LPIN1: variants seen among roughly 807,000 people sequenced by gnomAD.
LPIN1 encodes phosphatidate phosphatase LPIN1.
In LPIN1, 71 loss-of-function variants were observed where a neutral mutation model predicts 107.5. That is an observed-to-expected ratio of 0.66 (90% CI 0.55 to 0.80). The LOEUF is 0.80. Among genes scored for constraint, LPIN1 ranks in the 30% least tolerant of loss-of-function variants. The probability of loss-of-function intolerance (pLI) is 0.00; values close to 1 mark genes in which losing one functional copy is unlikely to be tolerated. For synonymous variants in LPIN1, 445 were observed against 452.6 expected, an observed-to-expected ratio of 0.98 and a Z score of 0.21; for missense variants, 1,043 against 1,160.6, an observed-to-expected ratio of 0.90 and a Z score of 1.47.
intron 17 of LPIN1, among the ~76,000 whole-genome samples, chr2:11,806,484 T>C (rs1038645868): frequency 3.9e-5 from 6 of 152,100 alleles, no homozygotes; most frequent in African/African-American, 1.4e-4. Flanking sequence ...TAGTCCCAGC[T>C]ATTTGGGAGG....
chr2:11,678,109 A>T (rs889387439), intron 1 of LPIN1, among the ~76,000 whole-genome samples: 1 of 152,192 alleles, frequency 6.6e-6, no homozygotes, highest in Non-Finnish European at 1.5e-5. Context: ...GCAGGCCAGG[A>T]AGCGAGGTGT....
chr2:11,694,770 A>T (rs1443091156), intron 1 of LPIN1, among the ~76,000 whole-genome samples: 1 of 152,192 alleles, frequency 6.6e-6, no homozygotes, highest in African/African-American at 2.4e-5. Flanking sequence ...GCCTTTTACT[A>T]AACATCTGTT....
chr2:11,700,051 T>C (rs151018428), intron 1 of LPIN1, among the ~76,000 whole-genome samples: 2 of 152,308 alleles, frequency 1.3e-5, no homozygotes, highest in African/African-American at 2.4e-5. Context: ...CTTTGATTGT[T>C]ATTCTAGGCA....
chr2:11,801,252 G>C (rs770675437), intron 14 of LPIN1, among the ~76,000 whole-genome samples: 2 of 152,172 alleles, frequency 1.3e-5, no homozygotes, highest in Admixed American at 6.5e-5. Context: ...TCCCACTACT[G>C]CTTATTTATC....
chr2:11,765,808 G>A lies in LPIN1; in HGVS notation c.192+75G>A, dbSNP rs557681241. The stretch of plus-strand genomic sequence containing the variant: ...CCCTTGTACTCTGGTGATGCCACCT[G>A]TCTTGAACTCTCAGACCCAGAGTTT... On this transcript the variant is annotated intron_variant, in intron 2 of 20. Coordinates refer to ENST00000674199, the MANE Select transcript of LPIN1 (RefSeq NM_001349206.2). The surrounding 1 kb of genome is among the most constrained non-coding windows in gnomAD (Gnocchi z 4.4). 199 of 1,345,808 alleles carry A rather than the reference G, an allele frequency of 1.5e-4. 1 individual carries two copies. In the African/African-American group the frequency reaches 2.5e-3, roughly 17 times the overall value. 83.4% of individuals were successfully genotyped at this position (1,345,808 alleles called of 1,614,324 possible).
At chr2:11,787,271 G>C (rs1674755944) in intron 11 of LPIN1, 104 bp downstream of exon 11, 1 of 844,716 alleles carries the variant, frequency 1.2e-6, no homozygotes, top group South Asian at 1.4e-5. Flanking sequence ...ATAAAATAAA[G>C]ACTTTGCTAC....
At chr2:11,767,972 G>A (rs761369032) in intron 3 of LPIN1, 114 bp downstream of exon 3, 15 of 754,970 alleles carry the variant, frequency 2.0e-5, no homozygotes, top group East Asian at 8.0e-5. Context: ...CTGTGTGGAC[G>A]ATGGGGCAGA....
chr2:11,777,660 T>A (rs1346738079), intron 6 of LPIN1: 1 of 152,180 alleles, frequency 6.6e-6, no homozygotes, highest in Admixed American at 6.5e-5. Flanking sequence ...GCGACAGACG[T>A]CGTAAAACCC....
intron 1 of LPIN1, among the ~76,000 whole-genome samples, chr2:11,678,582 A>C (rs190699046): frequency 2.0e-3 from 299 of 152,286 alleles, no homozygotes; most frequent in African/African-American, 6.4e-3. Flanking sequence ...AGGGGGATAG[A>C]GTGGCGAGGC....
At chr2:11,780,867 C>T (rs186696073) in intron 7 of LPIN1, among the ~76,000 whole-genome samples, 11 of 152,292 alleles carry the variant, frequency 7.2e-5, no homozygotes, top group Admixed American at 6.5e-4. Context: ...GGTACATGCA[C>T]GCTGAGCCCC....
At chr2:11,822,277 CAA>C (rs751514674) in intron 20 of LPIN1, among the ~76,000 whole-genome samples, 7,113 of 78,904 alleles carry the variant, frequency 0.09, 314 homozygotes, top group African/African-American at 0.17. Context: ...CTAGAAATGC[CAA>C]AAAAAAAAAA....
rs971855880 is a variant in LPIN1 at position 11,680,866 on chromosome 2, C to A, written c.81+3138C>A. Among the ~76,000 whole-genome samples the A allele has an allele frequency of 2.6e-5, 4 of 152,170 alleles. No individual in the cohort carries two copies. The East Asian group carries it at 7.7e-4, about 29-fold the overall frequency. On this transcript the variant is annotated intron_variant, in intron 1 of 21. Transcript: ENST00000449576. The stretch of plus-strand genomic sequence containing the variant: ...AAGACCCAGAGTGAAGGCCAAAGTT[C>A]GGGGGCCACGAGGCCTGGACTCACA...
chr2:11,726,618 C>T (rs535067281), intron 1 of LPIN1, among the ~76,000 whole-genome samples: 43 of 152,194 alleles, frequency 2.8e-4, no homozygotes, highest in African/African-American at 8.2e-4. Context: ...CTCCCAAACT[C>T]CTCGAGCCTC....
exon 2 of LPIN1, chr2:11,741,415 C>T (rs1408619930): frequency 6.5e-7 from 1 of 1,550,080 alleles, no homozygotes. Context: ...CTAGAAACCT[C>T]ATCCATGAGC....
intron 1 of LPIN1, chr2:11,741,282 C>G: frequency 1.8e-6 from 2 of 1,131,020 alleles, no homozygotes; most frequent in Non-Finnish European, 2.5e-6. Flanking sequence ...ATGGCCTGGT[C>G]ATTTTCATTC....
intron 1 of LPIN1, among the ~76,000 whole-genome samples, chr2:11,684,630 A>G (rs908757826): frequency 2.0e-5 from 3 of 152,202 alleles, no homozygotes; most frequent in African/African-American, 7.2e-5. Flanking sequence ...GCCCATTCAA[A>G]TTCCCTGGGA....
chr2:11,753,061 T>G (rs1558804566), intron 1 of LPIN1, among the ~76,000 whole-genome samples: 1 of 152,004 alleles, frequency 6.6e-6, no homozygotes, highest in Non-Finnish European at 1.5e-5. Flanking sequence ...CAGATGAGCT[T>G]AATTATGGGA....
chr2:11,712,700 G>A (rs1171211572), intron 1 of LPIN1, among the ~76,000 whole-genome samples: 1 of 152,194 alleles, frequency 6.6e-6, no homozygotes, highest in East Asian at 1.9e-4. Flanking sequence ...AGGTTTAGGG[G>A]CTTCTGGGGC....
chr2:11,681,895 C>T (rs1661733024), intron 1 of LPIN1, among the ~76,000 whole-genome samples: 1 of 152,222 alleles, frequency 6.6e-6, no homozygotes, highest in South Asian at 2.1e-4. Context: ...CCCCTTTCTA[C>T]AGGGACCTTT....
Sources: allele counts gnomAD v4.1 joint callset (sites outside exome capture counted in the v4.1 genomes callset), GRCh38; gene constraint gnomAD v4.1.1; non-coding constraint Gnocchi (gnomAD v3.1); transcripts MANE v1.5; gene names NCBI Gene and HGNC (gene_info 2026-07-23, HGNC 2026-07-21).